Variants in ASIC4 observed in about 807,000 individuals in gnomAD.
The protein encoded by ASIC4 is acid-sensing ion channel 4.
In ASIC4, 28 loss-of-function variants were observed where a neutral mutation model predicts 53.4. The ratio of observed to expected loss-of-function variants is 0.52; its 90% CI spans 0.39 to 0.72. The LOEUF is 0.72. ASIC4 is among the 30% of genes least tolerant of loss of function. ASIC4 has a pLI of 0.00. For synonymous variants in ASIC4, 289 were observed against 301.4 expected (o/e 0.96, Z 0.43); for missense variants, 649 against 729.7 (o/e 0.89, Z 1.27).
chr2:219,514,313 A>C, upstream of ASIC4: 1 of 1,512,998 alleles, frequency 6.6e-7, no homozygotes, highest in Non-Finnish European at 8.8e-7. Flanking sequence ...CATGTCCTGA[A>C]TTATTAAGCG....
At chr2:219,535,419 G>C in intron 6 of ASIC4, 95 bp downstream of exon 6, 2 of 1,328,050 alleles carry the variant, frequency 1.5e-6, no homozygotes, top group Non-Finnish European at 2.0e-6. Context: ...GTGTGTGTGA[G>C]TGTATGTGTG....
chr2:219,514,894 C>G lies in ASIC4; in HGVS notation c.170C>G (p.Ala57Gly). The G allele has an allele frequency of 6.2e-7, 1 of 1,612,778 alleles. No individual in the cohort carries two copies. The highest frequency in any genetic ancestry group is 8.5e-7 in the Non-Finnish European group (1 of 1,179,832). ...STSTLHGLGR[A>G]CGPGPHGLRR... is the part of the protein sequence containing the mutation. ...AGCACCCTGCATGGACTGGGCCGGG[C>G]CTGTGGCCCAGGCCCCCACGGACTG... Residue 57 changes from alanine (A) to glycine (G), a missense_variant, in exon 1 of 10, where the codon GCC becomes GGC. By Grantham distance (60) the Ala-to-Gly change is moderately conservative (BLOSUM62 0). Transcript: ENST00000358078.
chr2:219,530,764 A>C (rs1695029965), intron 1 of ASIC4, among the ~76,000 whole-genome samples: 1 of 152,182 alleles, frequency 6.6e-6, no homozygotes. Flanking sequence ...AGGTGTCTGA[A>C]CTTGTCACAG....
Position 219,532,805 on chromosome 2 carries a change from T to C in ASIC4, c.1019-78T>C, listed in dbSNP as rs112667049. The C allele has an allele frequency of 1.4e-3, 1,872 of 1,334,100 alleles. 15 individuals carry two copies. In the African/African-American group the frequency reaches 0.024, roughly 17 times the overall value. 82.6% of individuals were successfully genotyped at this position (1,334,100 alleles called of 1,614,324 possible). A position where few individuals can be genotyped will look rare whatever the true frequency, so the allele number is the denominator to read the frequency against. ...ATGTGTGCATATGTGTGTGCATGCA[T>C]GTATGTGCTTACATTTGGGCGTGTG... On this transcript the variant is annotated intron_variant, in intron 4 of 9. Coordinates refer to ENST00000358078, the MANE Select transcript of ASIC4 (RefSeq NM_018674.6).
chr2:219,509,637 A>G (rs1018609439), upstream of ASIC4, among the ~76,000 whole-genome samples: 12 of 152,010 alleles, frequency 7.9e-5, no homozygotes, highest in Non-Finnish European at 1.8e-4. This position sits in a 1 kb window ranked among gnomAD's most constrained non-coding sequence, Gnocchi z 5.2. Context: ...CACCCCAAGT[A>G]CATCCTGGGA....
chr2:219,529,325 G>A lies in ASIC4; in HGVS notation c.583-2433G>A, dbSNP rs139496766. On this transcript the variant is annotated intron_variant, in intron 1 of 9. Transcript: ENST00000358078. ...AGGAGGGCAGGGGTGATACCTGTGG[G>A]GTCAAGGACTTGAATCTGGGAGCTG... is the stretch of plus-strand genomic sequence containing the variant. Among the ~76,000 whole-genome samples the A allele has an allele frequency of 9.9e-3, 1,503 of 152,298 alleles. 27 individuals carry two copies. Among genetic ancestry groups the A allele is most frequent in the African/African-American group, 0.034 (1,427 of 41,538 alleles).
intron 4 of ASIC4, 47 bp downstream of exon 4, chr2:219,532,524 T>C: frequency 6.3e-7 from 1 of 1,585,140 alleles, no homozygotes; most frequent in Admixed American, 1.7e-5. Flanking sequence ...CCTGCTAGGC[T>C]CCAGAGCCTC....
Position 219,515,230 on chromosome 2 carries a change from C to T in ASIC4, c.506C>T (p.Thr169Ile). Reference sequence around the variant, plus strand: ...GACATGGTAGACATCCTCAACCGCACTGGCCACCAGCTCGCCGACATGCTT... The same window carrying T: ...GACATGGTAGACATCCTCAACCGCATTGGCCACCAGCTCGCCGACATGCTT... ...EPDMVDILNR[T>I]GHQLADMLKS... Residue 169 changes from threonine to isoleucine, a missense_variant, in exon 1 of 10, where the codon ACT (threonine) becomes ATT (isoleucine). Coordinates refer to ENST00000358078, the MANE Select transcript of ASIC4 (RefSeq NM_018674.6). The T allele has an allele frequency of 6.2e-7, 1 of 1,614,206 alleles. No individual in the cohort carries two copies. The highest frequency in any genetic ancestry group is 8.5e-7 in the Non-Finnish European group (1 of 1,180,020).
intron 1 of ASIC4, among the ~76,000 whole-genome samples, chr2:219,521,478 C>A (rs1225302171): frequency 6.6e-6 from 1 of 152,184 alleles, no homozygotes; most frequent in South Asian, 2.1e-4. Context: ...TTGTGGCTGG[C>A]GGCAGGGCTG....
At chr2:219,531,618 T>A (rs1347072220) in intron 1 of ASIC4, 140 bp from the exon 2 acceptor site, 1 of 933,294 alleles carries the variant, frequency 1.1e-6, no homozygotes, top group African/African-American at 1.7e-5. Flanking sequence ...TTGGAGAGGC[T>A]GGGCTGTACA....
Position 219,537,765 on chromosome 2 carries a change from A to G in ASIC4, c.1506+29A>G, listed in dbSNP as rs1353708630. On this transcript the variant is annotated intron_variant, in intron 9 of 9. Transcript: ENST00000358078. This position sits in a 1 kb window ranked among gnomAD's most constrained non-coding sequence, Gnocchi z 4.9. Reference sequence around the variant, plus strand: ...AGGACAAGCTCTAAATGCCTGCAGCATGCAGCCACACCTCCCCAGGACTGA... The same window carrying G: ...AGGACAAGCTCTAAATGCCTGCAGCGTGCAGCCACACCTCCCCAGGACTGA... The G allele has an allele frequency of 2.5e-6, 4 of 1,593,266 alleles. No individual in the cohort carries two copies. Among genetic ancestry groups the G allele is most frequent in the Non-Finnish European group, 3.4e-6 (4 of 1,166,592 alleles).
chr2:219,507,572 C>G, the ASIC4 span, among the ~76,000 whole-genome samples: 1 of 152,158 alleles, frequency 6.6e-6, no homozygotes, highest in Non-Finnish European at 1.5e-5. Context: ...TGGGAAGGCC[C>G]TCACCACCTC....
At chr2:219,513,598 T>C (rs1694729710), upstream of ASIC4, among the ~76,000 whole-genome samples, 1 of 152,074 alleles carries the variant, frequency 6.6e-6, no homozygotes, top group Admixed American at 6.5e-5. Context: ...TCCCCCTACA[T>C]ATAGAGCACC....
intron 1 of ASIC4, among the ~76,000 whole-genome samples, chr2:219,519,692 T>C (rs746234): frequency 0.3 from 45,355 of 152,174 alleles, 6,907 homozygotes; most frequent in Middle Eastern, 0.42. Context: ...CAAATAGCCA[T>C]ACGTGGCTAT....
At chr2:219,512,113 G>A (rs1694709372), upstream of ASIC4, among the ~76,000 whole-genome samples, 1 of 152,132 alleles carries the variant, frequency 6.6e-6, no homozygotes, top group African/African-American at 2.4e-5. Context: ...GTGGGGCAGT[G>A]GTGGGGGTGT....
At chr2:219,524,348 T>C (rs974722108) in intron 1 of ASIC4, among the ~76,000 whole-genome samples, 1 of 152,244 alleles carries the variant, frequency 6.6e-6, no homozygotes, top group African/African-American at 2.4e-5. Flanking sequence ...CAAGTGTATG[T>C]CACACAGTGG....
chr2:219,535,333 G>T lies in ASIC4; in HGVS notation c.1229+9G>T. On this transcript the variant is annotated intron_variant, in intron 6 of 9. Transcript: ENST00000358078. ...AACGAGACCTACATACGGTATGTGT[G>T]TGTGTGTGTGGGGGGTGGCTGTGTG... The T allele has an allele frequency of 6.3e-7, 1 of 1,582,826 alleles. No individual in the cohort carries two copies. The highest frequency in any genetic ancestry group is 1.8e-5 in the Admixed American group (1 of 55,056).
At chr2:219,513,795 G>A (rs1467351356), upstream of ASIC4, among the ~76,000 whole-genome samples, 1 of 152,258 alleles carries the variant, frequency 6.6e-6, no homozygotes, top group Admixed American at 6.5e-5. Context: ...GCAAAATGAG[G>A]GTGAGGGCAG....
rs2125655359 is a variant in ASIC4 at position 219,517,302 on chromosome 2, G to A, written c.582+1996G>A. The A allele has an allele frequency of 6.6e-6, 1 of 152,574 alleles. No individual in the cohort carries two copies. The highest frequency in any genetic ancestry group is 2.4e-5 in the African/African-American group (1 of 41,564). The allele number at this position is 152,574 out of a possible 1,614,324, so 9.5% of individuals were successfully genotyped here. A position where few individuals can be genotyped will look rare whatever the true frequency, so the allele number is the denominator to read the frequency against. ...CCGGAATCCTGGGGATGGCCTGGAG[G>A]AGTGTGGGTGGATTTCCCACAGGCC... On this transcript the variant is annotated intron_variant, in intron 1 of 9. Coordinates refer to ENST00000358078, the MANE Select transcript of ASIC4 (RefSeq NM_018674.6). The surrounding 1 kb of genome is among the most constrained non-coding windows in gnomAD (Gnocchi z 4.2).
Sources: gnomAD v4.1 joint callset for allele counts (sites outside exome capture counted in the v4.1 genomes callset) on GRCh38, gnomAD v4.1.1 for gene constraint, Gnocchi (gnomAD v3.1) non-coding constraint, MANE v1.5 for transcripts, NCBI Gene and HGNC (gene_info 2026-07-23, HGNC 2026-07-21) for gene names.